The following CSRNP3 variants were observed in gnomAD, a reference collection of about 807,000 sequenced individuals.
CSRNP3 encodes cysteine and serine rich nuclear protein 3.
Under a neutral mutation model 48.0 loss-of-function variants are expected in CSRNP3, and 12 were observed. The ratio of observed to expected loss-of-function variants is 0.25; its 90% CI spans 0.16 to 0.41. The LOEUF (loss-of-function observed/expected upper bound fraction) is 0.41, where lower values mean the gene tolerates loss of function less well. Ranked by LOEUF, CSRNP3 falls within the 10% of genes least tolerant of loss-of-function variation. The probability of loss-of-function intolerance (pLI) is 1.00; values close to 1 mark genes in which losing one functional copy is unlikely to be tolerated. For missense variants in CSRNP3, 580 were observed against 724.4 expected, an observed-to-expected ratio of 0.80 and a Z score of 2.29; for synonymous variants, 263 against 269.7, an observed-to-expected ratio of 0.98 and a Z score of 0.24.
At chr2:165,555,522 CT>C (rs976684200) in intron 3 of CSRNP3, among the ~76,000 whole-genome samples, 3 of 152,138 alleles carry the variant, frequency 2.0e-5, no homozygotes, top group Admixed American at 6.6e-5. Context: ...CTCTAAATGG[CT>C]TGCCAAGTCA....
intron 4 of CSRNP3, among the ~76,000 whole-genome samples, chr2:165,640,952 A>G (rs1358103778): frequency 6.6e-6 from 1 of 152,186 alleles, no homozygotes; most frequent in Non-Finnish European, 1.5e-5. Flanking sequence ...ATAAAGCAAT[A>G]AGAAAGGTCC....
intron 4 of CSRNP3, among the ~76,000 whole-genome samples, chr2:165,620,679 C>A (rs1205272433): frequency 6.6e-6 from 1 of 151,988 alleles, no homozygotes; most frequent in Admixed American, 6.6e-5. Flanking sequence ...TAATGTAAAC[C>A]AATAGTAGGT....
At chr2:165,655,405 A>G (rs778165770) in intron 4 of CSRNP3, among the ~76,000 whole-genome samples, 1 of 152,228 alleles carries the variant, frequency 6.6e-6, no homozygotes, top group Non-Finnish European at 1.5e-5. Context: ...CATGAGTAAT[A>G]TCAACCAGGG....
At chr2:165,547,204 TTAAC>T (rs1685042118) in intron 3 of CSRNP3, among the ~76,000 whole-genome samples, 1 of 152,196 alleles carries the variant, frequency 6.6e-6, no homozygotes. Flanking sequence ...CACTACTCAT[TTAAC>T]TATTTCCATA....
chr2:165,597,516 G>T (rs1685832854), intron 4 of CSRNP3, among the ~76,000 whole-genome samples: 1 of 151,920 alleles, frequency 6.6e-6, no homozygotes, highest in East Asian at 1.9e-4. Context: ...AATGAGGAAA[G>T]TTACATTTTG....
chr2:165,650,178 C>T (rs1457157511), intron 4 of CSRNP3, among the ~76,000 whole-genome samples: 1 of 151,950 alleles, frequency 6.6e-6, no homozygotes, highest in Non-Finnish European at 1.5e-5. Context: ...TACTAAATAC[C>T]TTATTTGAGC....
Position 165,679,846 on chromosome 2 carries a change from C to A in CSRNP3, c.*93C>A, listed in dbSNP as rs1169431763. 6.0e-6 allele frequency: 9 copies of A among 1,504,592 alleles called. No homozygotes were observed. Among genetic ancestry groups the A allele is most frequent in the Non-Finnish European group, 6.2e-6 (7 of 1,128,228 alleles). The allele number at this position is 1,504,592 out of a possible 1,614,324, so 93.2% of individuals were successfully genotyped here. On this transcript the variant is annotated 3_prime_UTR_variant, in exon 7 of 7. Coordinates refer to ENST00000651982, the MANE Select transcript of CSRNP3 (RefSeq NM_001172173.2). ...GCTCATCATTGTTTAAACTGAAGACCAAGAAAACTTGGACGGTGGTTAATC... is the reference window on the plus strand; with the variant it reads ...GCTCATCATTGTTTAAACTGAAGACAAAGAAAACTTGGACGGTGGTTAATC...
At chr2:165,540,234 G>A (rs1684935816) in intron 3 of CSRNP3, among the ~76,000 whole-genome samples, 1 of 151,946 alleles carries the variant, frequency 6.6e-6, no homozygotes, top group Non-Finnish European at 1.5e-5. Flanking sequence ...GGCTTGCCTT[G>A]GCAAATTACT....
intron 1 of CSRNP3, among the ~76,000 whole-genome samples, chr2:165,490,190 C>T (rs1684183689): frequency 6.7e-6 from 1 of 149,982 alleles, no homozygotes; most frequent in Non-Finnish European, 1.5e-5. Context: ...AGTGAACTCC[C>T]ATTCACAATT....
chr2:165,561,187 A>G (rs1347676948), intron 3 of CSRNP3, among the ~76,000 whole-genome samples: 1 of 152,222 alleles, frequency 6.6e-6, no homozygotes, highest in Non-Finnish European at 1.5e-5. Flanking sequence ...AGTTTAAACT[A>G]GGAAAGTGGC....
At chr2:165,643,290 C>T (rs1054608629) in intron 4 of CSRNP3, among the ~76,000 whole-genome samples, 1 of 152,152 alleles carries the variant, frequency 6.6e-6, no homozygotes, top group African/African-American at 2.4e-5. Context: ...CTTACTTGGA[C>T]CATTTCTCAA....
At chr2:165,508,976 A>G (rs1470123473) in intron 2 of CSRNP3, among the ~76,000 whole-genome samples, 7 of 152,170 alleles carry the variant, frequency 4.6e-5, no homozygotes, top group Non-Finnish European at 1.0e-4. Context: ...ACATTTATGG[A>G]CTAACACTGA....
intron 3 of CSRNP3, among the ~76,000 whole-genome samples, chr2:165,587,764 CA>C (rs916920273): frequency 1.0e-4 from 15 of 150,640 alleles, no homozygotes; most frequent in Non-Finnish European, 1.6e-4. Flanking sequence ...TGCTTGTGAG[CA>C]AAAAAAAATT....
At chr2:165,527,754 GATAA>G (rs1684756922) in intron 3 of CSRNP3, among the ~76,000 whole-genome samples, 1 of 152,096 alleles carries the variant, frequency 6.6e-6, no homozygotes, top group Non-Finnish European at 1.5e-5. Flanking sequence ...AACATAAAGA[GATAA>G]ATGGCCAACT....
chr2:165,586,478 TGTAA>T (rs1310991819), intron 3 of CSRNP3, among the ~76,000 whole-genome samples: 1 of 152,224 alleles, frequency 6.6e-6, no homozygotes, highest in Non-Finnish European at 1.5e-5. Context: ...TAAATTTTAG[TGTAA>T]GTATGTCCCA....
At chr2:165,656,145 A>G (rs1367532198) in intron 4 of CSRNP3, among the ~76,000 whole-genome samples, 2 of 152,212 alleles carry the variant, frequency 1.3e-5, no homozygotes, top group African/African-American at 4.8e-5. Flanking sequence ...TGGATCGTAT[A>G]ATTTGGCAGC....
At chr2:165,586,240 C>A (rs1685630248) in intron 3 of CSRNP3, among the ~76,000 whole-genome samples, 1 of 152,092 alleles carries the variant, frequency 6.6e-6, no homozygotes, top group Non-Finnish European at 1.5e-5. Context: ...TCATGATTCA[C>A]CTTTGGTAAA....
At chr2:165,613,234 A>G (rs1233293802) in intron 4 of CSRNP3, among the ~76,000 whole-genome samples, 4 of 152,088 alleles carry the variant, frequency 2.6e-5, no homozygotes, top group Non-Finnish European at 5.9e-5. Context: ...TAGAAAAATA[A>G]CTGTTCAGAT....
At chr2:165,478,310 C>A in intron 1 of CSRNP3, among the ~76,000 whole-genome samples, 1 of 147,084 alleles carries the variant, frequency 6.8e-6, no homozygotes, top group Non-Finnish European at 1.5e-5. Context: ...TACAAAAACA[C>A]TTCCAAAATT....
Sources: allele counts gnomAD v4.1 joint callset (sites outside exome capture counted in the v4.1 genomes callset), GRCh38; gene constraint gnomAD v4.1.1; transcripts MANE v1.5; gene names NCBI Gene and HGNC (gene_info 2026-07-23, HGNC 2026-07-21).